Variants in B3GALT1 observed in about 807,000 individuals in gnomAD.
B3GALT1 encodes the protein UDP-Gal:betaGlcNAc beta 1,3-galactosyltransferase, polypeptide 1.
A neutral mutation model predicts 23.2 loss-of-function variants in B3GALT1; 10 were observed. The observed-to-expected ratio is 0.43, with a 90% CI of 0.27 to 0.73. The LOEUF is 0.73. B3GALT1 is among the 30% of genes least tolerant of loss of function. B3GALT1 has a pLI of 0.21. For missense variants in B3GALT1, 299 were observed against 405.4 expected, an observed-to-expected ratio of 0.74 and a Z score of 2.25; for synonymous variants, 156 against 141.5, an observed-to-expected ratio of 1.10 and a Z score of -0.73.
At chr2:167,658,928 A>G (rs1458830576) in intron 3 of B3GALT1, among the ~76,000 whole-genome samples, 1 of 152,116 alleles carries the variant, frequency 6.6e-6, no homozygotes, top group East Asian at 1.9e-4. Flanking sequence ...CTAAGACTAT[A>G]TGATTTTTAT....
intron 3 of B3GALT1, among the ~76,000 whole-genome samples, chr2:167,800,494 A>C (rs569108780): frequency 2.9e-4 from 44 of 152,330 alleles, no homozygotes; most frequent in Admixed American, 1.8e-3. Flanking sequence ...AAAATCAAAT[A>C]AAGCATAAAG....
chr2:167,441,370 T>C (rs1698890974), intron 1 of B3GALT1, among the ~76,000 whole-genome samples: 1 of 152,202 alleles, frequency 6.6e-6, no homozygotes, highest in Non-Finnish European at 1.5e-5. Context: ...TTTGCAGCCT[T>C]TTTATTAATG....
intron 2 of B3GALT1, among the ~76,000 whole-genome samples, chr2:167,493,242 T>G (rs898973305): frequency 6.6e-6 from 1 of 152,202 alleles, no homozygotes; most frequent in Non-Finnish European, 1.5e-5. Context: ...TGCTTTAGAT[T>G]TGGTTATATT....
chr2:167,686,724 C>G (rs376133621), intron 3 of B3GALT1, among the ~76,000 whole-genome samples: 2 of 152,172 alleles, frequency 1.3e-5, no homozygotes, highest in Non-Finnish European at 2.9e-5. Context: ...CACACTTACA[C>G]GCATACACAC....
chr2:167,519,296 C>G (rs576733633), intron 2 of B3GALT1, among the ~76,000 whole-genome samples: 1 of 152,000 alleles, frequency 6.6e-6, no homozygotes, highest in Non-Finnish European at 1.5e-5. Flanking sequence ...AGAAATGGCC[C>G]GCTGCTAGAA....
chr2:167,477,141 A>G (rs995073113), intron 1 of B3GALT1, among the ~76,000 whole-genome samples: 12 of 152,194 alleles, frequency 7.9e-5, no homozygotes, highest in Non-Finnish European at 1.3e-4. Flanking sequence ...TTATAAGCAT[A>G]TGTGCTTTTG....
chr2:167,438,233 T>G (rs1483830330), intron 1 of B3GALT1, among the ~76,000 whole-genome samples: 2 of 152,222 alleles, frequency 1.3e-5, no homozygotes, highest in East Asian at 3.9e-4. Flanking sequence ...AGATGGATAC[T>G]TGCCCTCCAG....
intron 1 of B3GALT1, among the ~76,000 whole-genome samples, chr2:167,454,940 G>A (rs552612161): frequency 1.5e-4 from 23 of 152,298 alleles, no homozygotes; most frequent in African/African-American, 5.5e-4. Flanking sequence ...GGACCTGCTG[G>A]TTGTGCATTT....
At chr2:167,473,673 A>G (rs1699449475) in intron 1 of B3GALT1, among the ~76,000 whole-genome samples, 1 of 152,082 alleles carries the variant, frequency 6.6e-6, no homozygotes, top group Non-Finnish European at 1.5e-5. Context: ...TTTTTTGATT[A>G]TCACAATCAA....
At chr2:167,806,747 G>T (rs1470546138) in intron 3 of B3GALT1, among the ~76,000 whole-genome samples, 1 of 152,190 alleles carries the variant, frequency 6.6e-6, no homozygotes, top group African/African-American at 2.4e-5. Context: ...TTGCATCGAT[G>T]TACATCAGGG....
intron 1 of B3GALT1, among the ~76,000 whole-genome samples, chr2:167,487,501 A>T (rs1353192269): frequency 6.6e-6 from 1 of 152,296 alleles, no homozygotes; most frequent in South Asian, 2.1e-4. Flanking sequence ...TTAAAAATCC[A>T]ATAACTCTTT....
intron 3 of B3GALT1, among the ~76,000 whole-genome samples, chr2:167,768,901 T>A (rs985339831): frequency 6.6e-6 from 1 of 152,198 alleles, no homozygotes; most frequent in Non-Finnish European, 1.5e-5. Context: ...TCCTAATGCC[T>A]TGTCCATAAA....
chr2:167,538,599 G>T (rs866458358), intron 2 of B3GALT1, among the ~76,000 whole-genome samples: 13 of 152,030 alleles, frequency 8.6e-5, no homozygotes, highest in Non-Finnish European at 1.9e-4. Flanking sequence ...AATCACCCTG[G>T]GTGGAGCAGC....
rs1399319381 is a variant in B3GALT1, at chr2:167,316,242, T to C, written c.-511+22908T>C. Among the ~76,000 whole-genome samples the C allele has an allele frequency of 2.0e-5, 3 of 151,364 alleles. No individual in the cohort carries two copies. The East Asian group carries it at 5.8e-4, about 29-fold the overall frequency. ...TTTTTGCACGCCTAAGATATGAAAA[T>C]GGCATGTAGAAAAAGAATAATGAAA... On this transcript the variant is annotated intron_variant, in intron 1 of 4. Transcript: ENST00000392690.
intron 1 of B3GALT1, among the ~76,000 whole-genome samples, chr2:167,475,424 AT>A (rs1402072639): frequency 6.6e-6 from 1 of 152,206 alleles, no homozygotes; most frequent in Non-Finnish European, 1.5e-5. Flanking sequence ...AAGAGAAGCC[AT>A]AAAGTACTTC....
intron 3 of B3GALT1, among the ~76,000 whole-genome samples, chr2:167,685,912 T>G (rs1030317163): frequency 6.6e-6 from 1 of 152,194 alleles, no homozygotes; most frequent in Non-Finnish European, 1.5e-5. Flanking sequence ...TGTTAAATAT[T>G]TTACTTTACC....
intron 3 of B3GALT1, among the ~76,000 whole-genome samples, chr2:167,768,408 A>G (rs1276213600): frequency 6.6e-6 from 1 of 152,154 alleles, no homozygotes; most frequent in Non-Finnish European, 1.5e-5. Flanking sequence ...TTTAAAGAAA[A>G]TAGTCATCAT....
intron 1 of B3GALT1, among the ~76,000 whole-genome samples, chr2:167,345,135 A>C (rs1010486642): frequency 1.1e-4 from 17 of 152,176 alleles, no homozygotes; most frequent in Admixed American, 1.0e-3. Context: ...TCTCATTTGA[A>C]TCAAGAATGA....
At chr2:167,595,017 G>A (rs1684752028) in intron 2 of B3GALT1, among the ~76,000 whole-genome samples, 1 of 152,056 alleles carries the variant, frequency 6.6e-6, no homozygotes, top group Admixed American at 6.6e-5. Flanking sequence ...ATATTACTTT[G>A]GCACTTGATC....
Sources: gnomAD v4.1 joint callset for allele counts (sites outside exome capture counted in the v4.1 genomes callset) on GRCh38, gnomAD v4.1.1 for gene constraint, MANE v1.5 for transcripts, NCBI Gene and HGNC (gene_info 2026-07-23, HGNC 2026-07-21) for gene names.